OXR1: variants seen among roughly 807,000 people sequenced by gnomAD.
OXR1 encodes the protein oxidation resistance 1, also known as oxidation resistance protein 1.
Under a neutral mutation model 104.6 loss-of-function variants are expected in OXR1, and 41 were observed. The ratio of observed to expected loss-of-function variants is 0.39; its 90% CI spans 0.31 to 0.51. OXR1 has a LOEUF of 0.51. Ranked by LOEUF, OXR1 falls within the 20% of genes least tolerant of loss-of-function variation. OXR1 has a pLI of 0.77. For missense variants in OXR1, 955 were observed against 1,031.9 expected (o/e 0.93, Z 1.02); for synonymous variants, 348 against 348.4 (o/e 1.00, Z 0.01).
intron 3 of OXR1, among the ~76,000 whole-genome samples, chr8:106,562,958 C>G (rs1435725071): frequency 1.3e-5 from 2 of 152,166 alleles, no homozygotes; most frequent in African/African-American, 4.8e-5. Flanking sequence ...CTTACAAGAG[C>G]TCCTGAAGGA....
At chr8:106,338,691 A>G (rs369560422) in intron 1 of OXR1, among the ~76,000 whole-genome samples, 1 of 152,064 alleles carries the variant, frequency 6.6e-6, no homozygotes, top group African/African-American at 2.4e-5. Context: ...AACGGAGGCT[A>G]CTTGATTCAT....
At chr8:106,748,101 TAG>T (rs995385353) in intron 16 of OXR1, among the ~76,000 whole-genome samples, 2 of 152,242 alleles carry the variant, frequency 1.3e-5, no homozygotes, top group African/African-American at 4.8e-5. Context: ...CCAGTAGAGT[TAG>T]AGTCTCTAGA....
intron 2 of OXR1, among the ~76,000 whole-genome samples, chr8:106,398,054 G>A (rs1563754268): frequency 6.6e-6 from 1 of 152,086 alleles, no homozygotes; most frequent in African/African-American, 2.4e-5. Flanking sequence ...TTCTCTGTGT[G>A]TGTGTGTCTG....
intron 3 of OXR1, among the ~76,000 whole-genome samples, chr8:106,641,584 T>C (rs973194653): frequency 1.3e-5 from 2 of 152,056 alleles, no homozygotes; most frequent in African/African-American, 4.8e-5. Context: ...TAGAATAGGG[T>C]TTCTTAATTG....
intron 2 of OXR1, among the ~76,000 whole-genome samples, chr8:106,436,529 A>T (rs576974168): frequency 1.3e-5 from 2 of 152,030 alleles, no homozygotes; most frequent in African/African-American, 4.8e-5. Flanking sequence ...ATGCAAAAAA[A>T]AAAAATGAAG....
chr8:106,719,188 G>T (rs1404628885), intron 11 of OXR1, among the ~76,000 whole-genome samples: 3 of 152,126 alleles, frequency 2.0e-5, no homozygotes, highest in Non-Finnish European at 4.4e-5. Context: ...ATTACTTTCT[G>T]TTTTTTGATA....
chr8:106,339,525 TATATATA>T, intron 1 of OXR1, among the ~76,000 whole-genome samples: 1 of 20,504 alleles, frequency 4.9e-5, no homozygotes, highest in South Asian at 2.0e-3. Flanking sequence ...AAAAAATATA[TATATATA>T]TATATATATA....
At chr8:106,456,446 T>G (rs1030672551) in intron 2 of OXR1, among the ~76,000 whole-genome samples, 3 of 152,178 alleles carry the variant, frequency 2.0e-5, no homozygotes, top group African/African-American at 7.2e-5. Flanking sequence ...AAAACAAAAC[T>G]TGAAAAAATG....
chr8:106,368,764 G>C (rs117505895), intron 2 of OXR1, among the ~76,000 whole-genome samples: 4 of 152,130 alleles, frequency 2.6e-5, no homozygotes, highest in African/African-American at 9.7e-5. Context: ...GTATTCCGTG[G>C]TGTATATGTA....
At chr8:106,305,658 A>G (rs1429818514) in intron 1 of OXR1, among the ~76,000 whole-genome samples, 1 of 152,158 alleles carries the variant, frequency 6.6e-6, no homozygotes, top group Non-Finnish European at 1.5e-5. Flanking sequence ...TATCCTCTGC[A>G]GTGGCTGCTT....
At chr8:106,702,393 TCC>T (rs1157874119) in intron 7 of OXR1, among the ~76,000 whole-genome samples, 2 of 152,198 alleles carry the variant, frequency 1.3e-5, no homozygotes, top group African/African-American at 4.8e-5. Flanking sequence ...GCCCAGAGAC[TCC>T]TTGCCCAAGG....
At chr8:106,297,126 T>A (rs927092324) in intron 1 of OXR1, among the ~76,000 whole-genome samples, 1 of 152,194 alleles carries the variant, frequency 6.6e-6, no homozygotes, top group African/African-American at 2.4e-5. Flanking sequence ...AATACAGTAA[T>A]CTGTATATAG....
intron 1 of OXR1, among the ~76,000 whole-genome samples, chr8:106,287,260 A>G (rs1812538558): frequency 6.6e-6 from 1 of 152,178 alleles, no homozygotes; most frequent in Non-Finnish European, 1.5e-5. Context: ...GTTCATGGCT[A>G]AAAGGAGGTC....
At chr8:106,367,525 T>C (rs1170309863) in intron 2 of OXR1, among the ~76,000 whole-genome samples, 1 of 152,150 alleles carries the variant, frequency 6.6e-6, no homozygotes, top group African/African-American at 2.4e-5. Flanking sequence ...AATTAGAATT[T>C]AAAAATATTT....
At chr8:106,294,641 C>T (rs3019310) in intron 1 of OXR1, among the ~76,000 whole-genome samples, 2 of 151,552 alleles carry the variant, frequency 1.3e-5, no homozygotes, top group Non-Finnish European at 2.9e-5. Context: ...GTGCCAAACA[C>T]TTTTAAATAA....
At chr8:106,546,568 G>C (rs1815374473) in intron 3 of OXR1, among the ~76,000 whole-genome samples, 1 of 152,180 alleles carries the variant, frequency 6.6e-6, no homozygotes, top group Non-Finnish European at 1.5e-5. Flanking sequence ...GGGGAAAAGC[G>C]AGCTGGAAGG....
chr8:106,499,681 G>C (rs1811652766), intron 2 of OXR1, among the ~76,000 whole-genome samples: 1 of 152,094 alleles, frequency 6.6e-6, no homozygotes, highest in African/African-American at 2.4e-5. Flanking sequence ...TTTCTTCTTT[G>C]ACTTTTGAAT....
intron 15 of OXR1, among the ~76,000 whole-genome samples, chr8:106,744,445 T>C (rs1270344067): frequency 6.6e-6 from 1 of 152,200 alleles, no homozygotes; most frequent in Non-Finnish European, 1.5e-5. Context: ...CAAACACAAA[T>C]TATGGACTTA....
intron 2 of OXR1, among the ~76,000 whole-genome samples, chr8:106,413,109 A>AT (rs1309339797): frequency 6.7e-6 from 1 of 148,742 alleles, no homozygotes; most frequent in African/African-American, 2.5e-5. Flanking sequence ...CCCTCATTTA[A>AT]TTTTTTAAAT....
Sources: allele counts gnomAD v4.1 joint callset (sites outside exome capture counted in the v4.1 genomes callset), GRCh38; gene constraint gnomAD v4.1.1; transcripts MANE v1.5; gene names NCBI Gene and HGNC (gene_info 2026-07-23, HGNC 2026-07-21).